Variants in MYO16 observed in about 807,000 individuals in gnomAD.
MYO16 encodes unconventional myosin-XVI.
A neutral mutation model predicts 205.3 loss-of-function variants in MYO16; 94 were observed. The observed-to-expected ratio is 0.46, with a 90% CI of 0.39 to 0.54. The LOEUF (loss-of-function observed/expected upper bound fraction) is 0.54. MYO16 is among the 20% of genes least tolerant of loss of function. The probability of loss-of-function intolerance (pLI) is 0.00; values close to 1 mark genes in which losing one functional copy is unlikely to be tolerated. For missense variants in MYO16, 2,315 were observed against 2,387.5 expected (o/e 0.97, Z 0.63); for synonymous variants, 988 against 954.0 (o/e 1.04, Z -0.66).
chr13:108,534,609 ACT>A, the MYO16 span, among the ~76,000 whole-genome samples: 1 of 151,102 alleles, frequency 6.6e-6, no homozygotes, highest in Non-Finnish European at 1.5e-5. Context: ...GTCTCTACTC[ACT>A]CTGCTTCTAC....
chr13:109,102,105 TTAAC>T (rs1888986283), intron 28 of MYO16, among the ~76,000 whole-genome samples: 1 of 152,294 alleles, frequency 6.6e-6, no homozygotes, highest in East Asian at 1.9e-4. Context: ...TCTTTTTTTT[TTAAC>T]TAATAATGAA....
At chr13:108,996,564 C>G (rs901670654) in intron 21 of MYO16, among the ~76,000 whole-genome samples, 2 of 152,122 alleles carry the variant, frequency 1.3e-5, no homozygotes, top group African/African-American at 4.8e-5. Flanking sequence ...AAAGTAGTTA[C>G]CTGTTTAAGG....
chr13:109,019,930 A>G lies in MYO16; in HGVS notation c.2796+19A>G, dbSNP rs2139513418. 6.2e-7 allele frequency: 1 copy of G among 1,609,136 alleles called. No homozygotes were observed. Among genetic ancestry groups the G allele is most frequent in the Non-Finnish European group, 8.5e-7 (1 of 1,176,456 alleles). ...AGGAAGGGTAAGTGGCCAGAACTGC[A>G]TAATTTTTCATGTGCACTAATGATC... On this transcript the variant is annotated intron_variant, in intron 23 of 34. Transcript: ENST00000457511.
chr13:108,743,486 T>C (rs1884971309), intron 4 of MYO16, among the ~76,000 whole-genome samples: 2 of 152,236 alleles, frequency 1.3e-5, no homozygotes. Context: ...ATTTTTTCGC[T>C]GCTTGAAATA....
intron 10 of MYO16, among the ~76,000 whole-genome samples, chr13:108,852,932 A>G (rs1877959523): frequency 6.6e-6 from 1 of 152,232 alleles, no homozygotes; most frequent in Admixed American, 6.5e-5. Flanking sequence ...GGGTTTAAAC[A>G]CTGTTGTTCA....
intron 2 of MYO16, among the ~76,000 whole-genome samples, chr13:108,686,780 G>A (rs969343409): frequency 6.6e-6 from 1 of 152,218 alleles, no homozygotes; most frequent in Non-Finnish European, 1.5e-5. Context: ...TTTCCTGGTC[G>A]ATCTGGATGT....
intron 9 of MYO16, among the ~76,000 whole-genome samples, chr13:108,823,803 A>G (rs1249722246): frequency 1.3e-5 from 2 of 152,138 alleles, no homozygotes; most frequent in Non-Finnish European, 2.9e-5. Flanking sequence ...ATTCAAATTC[A>G]TGTTAAATTT....
chr13:109,103,724 T>C (rs1182993170), intron 28 of MYO16, among the ~76,000 whole-genome samples: 1 of 152,182 alleles, frequency 6.6e-6, no homozygotes, highest in Non-Finnish European at 1.5e-5. Flanking sequence ...ATTGTAGCAA[T>C]TCAGTAAGCC....
intron 28 of MYO16, among the ~76,000 whole-genome samples, chr13:109,112,020 A>T (rs564438780): frequency 6.6e-6 from 1 of 152,140 alleles, no homozygotes; most frequent in African/African-American, 2.4e-5. Context: ...ATAGCATCTA[A>T]CCCAATCCTG....
intron 20 of MYO16, among the ~76,000 whole-genome samples, chr13:108,971,932 G>A (rs1163216057): frequency 6.6e-6 from 1 of 151,676 alleles, no homozygotes; most frequent in Non-Finnish European, 1.5e-5. Flanking sequence ...TAGGCGTGGT[G>A]GCTCATGCCT....
At chr13:109,204,356 A>G (rs1880517229) in intron 34 of MYO16, among the ~76,000 whole-genome samples, 1 of 152,214 alleles carries the variant, frequency 6.6e-6, no homozygotes, top group African/African-American at 2.4e-5. Context: ...TTCAGAGATC[A>G]CTACTGTATG....
intron 12 of MYO16, among the ~76,000 whole-genome samples, chr13:108,870,427 T>C (rs1433659079): frequency 1.3e-5 from 2 of 152,220 alleles, no homozygotes; most frequent in East Asian, 3.9e-4. Context: ...TGTACTCTGT[T>C]TTCTAGTCTC....
chr13:109,107,499 AG>A (rs1889153440), intron 28 of MYO16, among the ~76,000 whole-genome samples: 1 of 152,178 alleles, frequency 6.6e-6, no homozygotes, highest in African/African-American at 2.4e-5. Flanking sequence ...ATAAAATAGA[AG>A]AGCAAGGAAC....
chr13:108,518,017 G>A, the MYO16 span, among the ~76,000 whole-genome samples: 1 of 152,118 alleles, frequency 6.6e-6, no homozygotes, highest in African/African-American at 2.4e-5. Flanking sequence ...ACCTCCTAAT[G>A]TTATCCTGTT....
the MYO16 span, among the ~76,000 whole-genome samples, chr13:108,534,986 CTCCT>C: frequency 4.0e-3 from 585 of 147,138 alleles, 4 homozygotes; most frequent in African/African-American, 0.014. Flanking sequence ...TCTTTCTTCT[CTCCT>C]TCCTTCCTTC....
intron 16 of MYO16, among the ~76,000 whole-genome samples, chr13:108,950,392 T>A (rs1883097655): frequency 1.3e-5 from 2 of 152,204 alleles, no homozygotes; most frequent in Non-Finnish European, 2.9e-5. Flanking sequence ...CATGAAGGGA[T>A]ATTTCACCAA....
chr13:108,547,377 T>C, the MYO16 span, among the ~76,000 whole-genome samples: 2 of 152,000 alleles, frequency 1.3e-5, no homozygotes, highest in South Asian at 2.1e-4. Flanking sequence ...ATGTTTAACA[T>C]TGGCTTTCGT....
the MYO16 span, among the ~76,000 whole-genome samples, chr13:108,588,764 T>C: frequency 6.6e-6 from 1 of 152,138 alleles, no homozygotes; most frequent in African/African-American, 2.4e-5. Context: ...GCCTTGGACA[T>C]CCTTTCATTT....
intron 14 of MYO16, among the ~76,000 whole-genome samples, chr13:108,896,440 T>C (rs535642013): frequency 6.6e-6 from 1 of 152,304 alleles, no homozygotes; most frequent in South Asian, 2.1e-4. Context: ...TCTTTAAAAT[T>C]AGATTATTAT....
Sources: gnomAD v4.1 joint callset for allele counts (sites outside exome capture counted in the v4.1 genomes callset) on GRCh38, gnomAD v4.1.1 for gene constraint, MANE v1.5 for transcripts, NCBI Gene and HGNC (gene_info 2026-07-23, HGNC 2026-07-21) for gene names.